TTC28: variants seen among roughly 807,000 people sequenced by gnomAD.
TTC28 encodes tetratricopeptide repeat domain 28, also known as tetratricopeptide repeat protein 28.
TTC28 carries 61 observed loss-of-function variants against 198.0 expected under a neutral mutation model. That is an observed-to-expected ratio of 0.31 (90% CI 0.25 to 0.38). The LOEUF is 0.38. Ranked by LOEUF, TTC28 falls within the 10% of genes least tolerant of loss-of-function variation. The pLI, the probability that TTC28 is intolerant of heterozygous loss-of-function variation, is 1.00. For missense variants in TTC28, 2,678 were observed against 3,164.0 expected (o/e 0.85, Z 3.69); for synonymous variants, 1,171 against 1,297.8 (o/e 0.90, Z 2.10).
In TTC28 at chr22:27,982,271, C is replaced by T; in HGVS notation, c.7396G>A (p.Gly2466Ser). ...ARPLRLPSGN[G>S]YKFLSPGRFF... ...CTTCCTGGAGACAGGAACTTGTAGC[C>T]ATTTCCAGAAGGAAGCCTCAAAGGG... Residue 2466 changes from glycine to serine, a missense_variant, in exon 23 of 23, where the codon GGC becomes AGC. Physicochemically the swap from Gly to Ser is moderately conservative, Grantham distance 56. Around this residue, in one of 8 missense-constraint regions of TTC28, gnomAD observed 622 missense variants for 656.0 expected, o/e 0.95. Coordinates refer to ENST00000397906, the MANE Select transcript of TTC28 (RefSeq NM_001145418.2). This position sits in a 1 kb window ranked among gnomAD's most constrained non-coding sequence, Gnocchi z 5.2. The T allele has an allele frequency of 6.8e-7, 1 of 1,476,464 alleles. No individual in the cohort carries two copies. The highest frequency in any genetic ancestry group is 9.0e-7 in the Non-Finnish European group (1 of 1,113,550). The allele number at this position is 1,476,464 out of a possible 1,614,324, so 91.5% of individuals were successfully genotyped here.
Position 28,593,721 on chromosome 22 carries a change from G to A in TTC28, c.381+35831C>T, listed in dbSNP as rs1018777515. On this transcript the variant is annotated intron_variant, in intron 2 of 22. Coordinates refer to ENST00000397906, the MANE Select transcript of TTC28 (RefSeq NM_001145418.2). Reference sequence around the variant, plus strand: ...TACCTTCTTAAATTTTATTGTATAAGTATGTATCAACTATTCAAAAAGGAA... The same window carrying A: ...TACCTTCTTAAATTTTATTGTATAAATATGTATCAACTATTCAAAAAGGAA... Among the ~76,000 whole-genome samples the A allele has an allele frequency of 3.3e-5, 5 of 152,132 alleles. No individual in the cohort carries two copies. The South Asian group carries it at 1.0e-3, about 32-fold the overall frequency.
intron 1 of TTC28, among the ~76,000 whole-genome samples, chr22:28,633,696 G>A (rs2146215080): frequency 6.6e-6 from 1 of 152,238 alleles, no homozygotes; most frequent in Non-Finnish European, 1.5e-5. Context: ...AAATTAAGAA[G>A]AGAAATCATC....
chr22:28,105,203 C>T lies in TTC28; in HGVS notation c.3307+76G>A, dbSNP rs535556293. 7.6e-6 allele frequency: 11 copies of T among 1,452,968 alleles called. No individual in the cohort carries two copies. The South Asian group carries it at 1.4e-4, about 18-fold the overall frequency. The allele number at this position is 1,452,968 out of a possible 1,614,324, so 90.0% of individuals were successfully genotyped here. On this transcript the variant is annotated intron_variant, in intron 8 of 22. Coordinates refer to ENST00000397906, the MANE Select transcript of TTC28 (RefSeq NM_001145418.2). ...GTGGCCATTCAAACTGTGCATACTT[C>T]CCTCTGAGTCTTGAGTTCTGACTCT... is the stretch of plus-strand genomic sequence containing the variant.
intron 6 of TTC28, among the ~76,000 whole-genome samples, chr22:28,162,794 T>G (rs1289866953): frequency 1.3e-5 from 2 of 151,892 alleles, no homozygotes; most frequent in Non-Finnish European, 2.9e-5. Context: ...TACAAAAAAT[T>G]TAAAAAATAG....
chr22:28,405,341 T>C lies in TTC28; in HGVS notation c.382-98698A>G, dbSNP rs576665571. ...TTGTCATTCACTCAACAAATATTCCTGAGCAAACCACAATGTGCAAATGAT... is the reference window on the plus strand; with the variant it reads ...TTGTCATTCACTCAACAAATATTCCCGAGCAAACCACAATGTGCAAATGAT... On this transcript the variant is annotated intron_variant, in intron 2 of 22. Coordinates refer to ENST00000397906, the MANE Select transcript of TTC28 (RefSeq NM_001145418.2). 7.9e-5 allele frequency among the ~76,000 whole-genome samples: 12 copies of C among 152,332 alleles called. 1 individual carries two copies. The South Asian group carries it at 1.9e-3, about 24-fold the overall frequency.
chr22:28,396,824 C>A (rs1314559277), intron 2 of TTC28, among the ~76,000 whole-genome samples: 1 of 152,184 alleles, frequency 6.6e-6, no homozygotes, highest in Non-Finnish European at 1.5e-5. Context: ...TTGCACACAG[C>A]AACCATGTGA....
chr22:28,307,020 A>G (rs989458006), intron 2 of TTC28, among the ~76,000 whole-genome samples: 14 of 152,230 alleles, frequency 9.2e-5, no homozygotes, highest in Non-Finnish European at 1.6e-4. Flanking sequence ...TATCTAGTAC[A>G]GTGCAAAAAT....
chr22:28,050,423 T>G (rs1569107667), intron 12 of TTC28, among the ~76,000 whole-genome samples: 1 of 152,232 alleles, frequency 6.6e-6, no homozygotes, highest in African/African-American at 2.4e-5. Flanking sequence ...CACAGGCTAT[T>G]ATAACTGAAA....
At chr22:28,401,781 T>A (rs2046912227) in intron 2 of TTC28, among the ~76,000 whole-genome samples, 1 of 151,996 alleles carries the variant, frequency 6.6e-6, no homozygotes, top group South Asian at 2.1e-4. Context: ...ACAAAAAAAA[T>A]TTTTAAATAG....
chr22:28,188,911 G>A (rs1601447043), intron 5 of TTC28, among the ~76,000 whole-genome samples: 1 of 152,230 alleles, frequency 6.6e-6, no homozygotes, highest in South Asian at 2.1e-4. Flanking sequence ...TTCGTTTTTA[G>A]TGCCTCACTC....
At chr22:28,204,962 T>C (rs761125849) in intron 5 of TTC28, among the ~76,000 whole-genome samples, 2 of 152,142 alleles carry the variant, frequency 1.3e-5, no homozygotes, top group Non-Finnish European at 2.9e-5. Flanking sequence ...ATTTATCTAG[T>C]CTCTTGATTT....
chr22:28,593,696 T>A (rs1021363559), intron 2 of TTC28, among the ~76,000 whole-genome samples: 1 of 152,212 alleles, frequency 6.6e-6, no homozygotes, highest in Non-Finnish European at 1.5e-5. Context: ...ACTCTTTTTG[T>A]ACCTTCTTAA....
intron 2 of TTC28, among the ~76,000 whole-genome samples, chr22:28,349,242 A>G (rs935778613): frequency 4.8e-4 from 73 of 152,334 alleles, no homozygotes; most frequent in African/African-American, 1.6e-3. Flanking sequence ...GCCAGAGGTC[A>G]TATTTTTTCA....
rs182146963 is a variant in TTC28 at position 28,396,693 on chromosome 22, C to T, written c.382-90050G>A. 1.5e-3 allele frequency among the ~76,000 whole-genome samples: 229 copies of T among 152,314 alleles called. 1 individual carries two copies. Among genetic ancestry groups the T allele is most frequent in the African/African-American group, 4.6e-3 (191 of 41,570 alleles). On this transcript the variant is annotated intron_variant, in intron 2 of 22. Transcript: ENST00000397906. ...GTAAATGCTGTTTTCTTCCTCCCTCCCCATCCCAATTAAGGAAAATGAAAT... is the reference window on the plus strand; with the variant it reads ...GTAAATGCTGTTTTCTTCCTCCCTCTCCATCCCAATTAAGGAAAATGAAAT...
chr22:28,598,296 G>A (rs2050575035), intron 2 of TTC28, among the ~76,000 whole-genome samples: 1 of 151,606 alleles, frequency 6.6e-6, no homozygotes, highest in African/African-American at 2.4e-5. Flanking sequence ...GGATCACCAG[G>A]TCAGGAGTTC....
chr22:28,346,919 A>G (rs2045911162), intron 2 of TTC28, among the ~76,000 whole-genome samples: 1 of 152,154 alleles, frequency 6.6e-6, no homozygotes. Context: ...AACAAACAAC[A>G]AACAATATTC....
chr22:28,625,846 AC>A (rs1397149443), intron 2 of TTC28, among the ~76,000 whole-genome samples: 1 of 152,184 alleles, frequency 6.6e-6, no homozygotes, highest in Non-Finnish European at 1.5e-5. Flanking sequence ...AGATATATAC[AC>A]AGAAATCAGT....
Position 28,335,074 on chromosome 22 carries a change from G to C in TTC28, c.382-28431C>G, listed in dbSNP as rs1331755607. On this transcript the variant is annotated intron_variant, in intron 2 of 22. Transcript: ENST00000397906. ...ATCCAGTTTCAGCTTTCTACATATG[G>C]CTAGCCAGTCTTCCCAGCACCATTT... Among the ~76,000 whole-genome samples the C allele has an allele frequency of 3.3e-5, 5 of 152,040 alleles. No individual in the cohort carries two copies. In the East Asian group the frequency reaches 9.6e-4, roughly 29 times the overall value.
intron 2 of TTC28, among the ~76,000 whole-genome samples, chr22:28,541,371 C>CA (rs2049407740): frequency 6.6e-6 from 1 of 152,066 alleles, no homozygotes; most frequent in Admixed American, 6.6e-5. Flanking sequence ...GTTGGAGGGT[C>CA]AGAGGTCAGA....
Sources: allele counts gnomAD v4.1 joint callset (sites outside exome capture counted in the v4.1 genomes callset), GRCh38; gene constraint gnomAD v4.1.1; regional missense constraint gnomAD v4.1.1; non-coding constraint Gnocchi (gnomAD v3.1); transcripts MANE v1.5; gene names NCBI Gene and HGNC (gene_info 2026-07-23, HGNC 2026-07-21).